Variants in DMD observed in about 807,000 individuals in gnomAD.
The protein encoded by DMD is dystrophin, also known as mutant dystrophin.
In DMD, 63 loss-of-function variants were observed where a neutral mutation model predicts 330.1. The ratio of observed to expected loss-of-function variants is 0.19; its 90% CI spans 0.16 to 0.24. The LOEUF (loss-of-function observed/expected upper bound fraction) is 0.24. Among genes scored for constraint, DMD ranks in the 10% least tolerant of loss-of-function variants. DMD has a pLI of 1.00. For synonymous variants in DMD, 1,223 were observed against 959.8 expected, an observed-to-expected ratio of 1.27 and a Z score of -5.07; for missense variants, 3,344 against 2,684.1, an observed-to-expected ratio of 1.25 and a Z score of -5.43.
intron 50 of DMD, among the ~76,000 whole-genome samples, chrX:31,791,443 G>A (rs771092579): frequency 1.2e-3 from 132 of 111,507 alleles, no homozygotes; most frequent in African/African-American, 4.3e-3. Flanking sequence ...TGTAGCCCCT[G>A]ACATGAATAT....
intron 55 of DMD, among the ~76,000 whole-genome samples, chrX:31,589,718 T>C (rs2076783316): frequency 9.0e-6 from 1 of 111,720 alleles, no homozygotes; most frequent in African/African-American, 3.3e-5. Flanking sequence ...GTACCGGCTA[T>C]ATTTGCCTAA....
chrX:32,519,192 A>T (rs1392658830), intron 17 of DMD, among the ~76,000 whole-genome samples: 1 of 103,607 alleles, frequency 9.7e-6, no homozygotes, highest in African/African-American at 3.5e-5. Context: ...AACCCGGAGG[A>T]AATTATGTTA....
intron 63 of DMD, among the ~76,000 whole-genome samples, chrX:31,242,644 T>C (rs986057765): frequency 9.0e-6 from 1 of 110,511 alleles, no homozygotes; most frequent in Non-Finnish European, 1.9e-5. Flanking sequence ...TGACATAGGC[T>C]TTTTTCAAAG....
intron 9 of DMD, among the ~76,000 whole-genome samples, chrX:32,697,213 G>T (rs1013555277): frequency 9.0e-6 from 1 of 111,184 alleles, no homozygotes; most frequent in African/African-American, 3.3e-5. Context: ...TTGTATATTG[G>T]GTTCCATACA....
At chrX:31,208,376 T>A (rs763068251) in intron 65 of DMD, among the ~76,000 whole-genome samples, 1 of 112,289 alleles carries the variant, frequency 8.9e-6, no homozygotes, top group South Asian at 3.7e-4. Context: ...TGTCACCAAA[T>A]ACTTTTCAGT....
rs187347314 is a variant in DMD at position 31,138,674 on chromosome X, A to T, written c.10922-4480T>A. The stretch of plus-strand genomic sequence containing the variant: ...GAGAGAGAGAGAGAGAGAGAGAGAG[A>T]GAGAGAGAGAGAGAAGGGGGAAGTG... On this transcript the variant is annotated intron_variant, in intron 76 of 78. Coordinates refer to ENST00000357033, the MANE Select transcript of DMD (RefSeq NM_004006.3). Among the ~76,000 whole-genome samples, 40 of 23,448 alleles carry T rather than the reference A, an allele frequency of 1.7e-3. 1 individual carries two copies. Among genetic ancestry groups the T allele is most frequent in the African/African-American group, 3.3e-3 (22 of 6,672 alleles). The allele number at this position is 23,448 out of a possible 115,157, so 20.4% of individuals were successfully genotyped here. A position where few individuals can be genotyped will look rare whatever the true frequency, so the allele number is the denominator to read the frequency against.
Position 32,421,995 on chromosome X carries a change from T to A in DMD, c.4072-10082A>T, listed in dbSNP as rs183974991. On this transcript the variant is annotated intron_variant, in intron 29 of 78. Transcript: ENST00000357033. The stretch of plus-strand genomic sequence containing the variant: ...GTGTCATCAAAAATCTGCTGCAGTT[T>A]CCTAGAAAGCGTTCATTCTACTTCA... 2.6e-3 allele frequency among the ~76,000 whole-genome samples: 291 copies of A among 111,604 alleles called. 3 individuals carry two copies. Among genetic ancestry groups the A allele is most frequent in the African/African-American group, 8.2e-3 (252 of 30,727 alleles).
intron 13 of DMD, among the ~76,000 whole-genome samples, chrX:32,587,213 C>T (rs1027043691): frequency 6.3e-5 from 7 of 111,913 alleles, no homozygotes; most frequent in Non-Finnish European, 9.4e-5. Context: ...CTACCTTTCA[C>T]AGTATAGCAT....
chrX:32,784,163 G>A (rs2075152398), intron 7 of DMD, among the ~76,000 whole-genome samples: 1 of 111,573 alleles, frequency 9.0e-6, no homozygotes, highest in East Asian at 2.8e-4. Flanking sequence ...ATAAGTAGAT[G>A]TCCTCCCTTA....
At chrX:32,801,317 A>G (rs1180372423) in intron 7 of DMD, among the ~76,000 whole-genome samples, 1 of 111,462 alleles carries the variant, frequency 9.0e-6, no homozygotes, top group African/African-American at 3.3e-5. Flanking sequence ...GGCCACATAA[A>G]TGTCTTCTTT....
Position 31,176,981 on chromosome X carries a change from T to TA in DMD, c.10262+950dup, listed in dbSNP as rs776461786. 2.8e-3 allele frequency among the ~76,000 whole-genome samples: 312 copies of TA among 111,389 alleles called. 1 individual carries two copies. The highest frequency in any genetic ancestry group is 6.7e-3 in the African/African-American group (207 of 30,821). On this transcript the variant is annotated intron_variant, in intron 71 of 78. Coordinates refer to ENST00000357033, the MANE Select transcript of DMD (RefSeq NM_004006.3). ...TGGTGGAACAATAAAAAAGATTTAA[T>TA]AAAAAGAAATTGAATTCTTACACAA...
intron 41 of DMD, among the ~76,000 whole-genome samples, chrX:32,314,908 G>A (rs2097577828): frequency 9.0e-6 from 1 of 111,611 alleles, no homozygotes; most frequent in South Asian, 3.8e-4. Flanking sequence ...GAGAAGATGT[G>A]GAGAAATAGG....
intron 54 of DMD, among the ~76,000 whole-genome samples, chrX:31,656,994 C>A (rs776694200): frequency 5.9e-4 from 66 of 111,424 alleles, no homozygotes; most frequent in Non-Finnish European, 7.4e-4. Context: ...TTTAGTTGGC[C>A]GCTTAATTTC....
At chrX:32,619,623 T>A (rs1259493226) in intron 11 of DMD, among the ~76,000 whole-genome samples, 7 of 112,042 alleles carry the variant, frequency 6.2e-5, no homozygotes, top group Non-Finnish European at 1.1e-4. Flanking sequence ...TAGAAATTGA[T>A]AGCATTTCAA....
intron 12 of DMD, among the ~76,000 whole-genome samples, chrX:32,610,158 T>C (rs1455145966): frequency 9.0e-6 from 1 of 111,184 alleles, no homozygotes; most frequent in Non-Finnish European, 1.9e-5. Flanking sequence ...TTATATGTGA[T>C]ATATTTTTTC....
intron 7 of DMD, among the ~76,000 whole-genome samples, chrX:32,724,786 G>A (rs1427627453): frequency 1.8e-5 from 2 of 111,821 alleles, no homozygotes; most frequent in African/African-American, 6.5e-5. Context: ...AATTACATCA[G>A]TAATCTTTCA....
At chrX:32,241,931 T>G (rs111658747) in intron 43 of DMD, among the ~76,000 whole-genome samples, 10,044 of 110,841 alleles carry the variant, frequency 0.091, 488 homozygotes, top group Admixed American at 0.14. Context: ...TTTATAGCCT[T>G]AAGTGGAAGC....
rs754151409 is a variant in DMD at position 32,396,001 on chromosome X, A to T, written c.4234-5820T>A. On this transcript the variant is annotated intron_variant, in intron 30 of 78. Transcript: ENST00000357033. ...TTCTAGAAGCTCAGCATTACAAAGC[A>T]AAGCAAAGATAGCGTAAGTGATCAC... 1.3e-4 allele frequency among the ~76,000 whole-genome samples: 14 copies of T among 111,556 alleles called. No individual in the cohort carries two copies. The South Asian group carries it at 1.9e-3, about 15-fold the overall frequency.
intron 21 of DMD, among the ~76,000 whole-genome samples, chrX:32,477,413 G>T (rs750108232): frequency 1.8e-5 from 2 of 110,666 alleles, no homozygotes; most frequent in Admixed American, 9.7e-5. Context: ...ATACAAAAAA[G>T]AAGTTTTCTG....
Sources: allele counts gnomAD v4.1 joint callset (sites outside exome capture counted in the v4.1 genomes callset), GRCh38; gene constraint gnomAD v4.1.1; transcripts MANE v1.5; gene names NCBI Gene and HGNC (gene_info 2026-07-23, HGNC 2026-07-21).